The following PDE8A variants were observed in gnomAD, a reference collection of about 807,000 sequenced individuals.
PDE8A encodes the protein high affinity cAMP-specific and IBMX-insensitive 3',5'-cyclic phosphodiesterase 8A.
A neutral mutation model predicts 105.0 loss-of-function variants in PDE8A; 59 were observed. That is an observed-to-expected ratio of 0.56 (90% confidence interval 0.46 to 0.70). The LOEUF is 0.70. Among genes scored for constraint, PDE8A ranks in the 30% least tolerant of loss-of-function variants. The probability of loss-of-function intolerance (pLI) is 0.00; values close to 1 mark genes in which losing one functional copy is unlikely to be tolerated. For synonymous variants in PDE8A, 355 were observed against 371.9 expected (o/e 0.95, Z 0.52); for missense variants, 1,014 against 1,045.9 (o/e 0.97, Z 0.42).
intron 1 of PDE8A, among the ~76,000 whole-genome samples, chr15:85,004,028 A>T (rs1011437): frequency 0.78 from 118,879 of 152,172 alleles, 46,663 homozygotes; most frequent in African/African-American, 0.85. Context: ...TCCATGTCAG[A>T]TTACTTACTT....
At chr15:85,077,725 A>G (rs377670194) in intron 5 of PDE8A, among the ~76,000 whole-genome samples, 1 of 152,234 alleles carries the variant, frequency 6.6e-6, no homozygotes, top group East Asian at 1.9e-4. Flanking sequence ...TATGAATTAT[A>G]AAGCAAGTAT....
intron 1 of PDE8A, among the ~76,000 whole-genome samples, chr15:84,993,442 CAAAAAAA>C (rs11362736): frequency 2.7e-5 from 2 of 73,114 alleles, no homozygotes; most frequent in African/African-American, 5.3e-5. Context: ...GACTCCATCT[CAAAAAAA>C]AAAAAAAAAA....
chr15:85,058,352 G>T (rs550389785), intron 1 of PDE8A, among the ~76,000 whole-genome samples: 2 of 152,164 alleles, frequency 1.3e-5, no homozygotes, highest in African/African-American at 2.4e-5. Context: ...TCTCAAAAGC[G>T]CTGGGATTAC....
intron 11 of PDE8A, among the ~76,000 whole-genome samples, chr15:85,105,171 G>T (rs1596524362): frequency 6.6e-6 from 1 of 152,076 alleles, no homozygotes; most frequent in Admixed American, 6.5e-5. Flanking sequence ...GTTCTCATGG[G>T]CTACCAGGGT....
intron 3 of PDE8A, among the ~76,000 whole-genome samples, chr15:85,068,636 G>A (rs2081267170): frequency 6.7e-6 from 1 of 148,698 alleles, no homozygotes. Flanking sequence ...GTGCTTGGTA[G>A]TCATGGTGGA....
In PDE8A at chr15:85,067,118, C is replaced by T. The variant is rs35666574; in HGVS notation, c.348C>T (p.Val116=). The change falls in exon 3 of 22, where the codon GTC becomes GTT. Residue 116 remains valine (V), a synonymous_variant. Transcript: ENST00000394553. ...KCTVTKEAQA[V]LACFLDKHHD... is the part of the protein sequence containing the mutation. ...CAGTTACCAAGGAGGCTCAGGCTGTCCTTGCCTGTTTCCTGGACAAACATC... is the reference window on the plus strand; with the variant it reads ...CAGTTACCAAGGAGGCTCAGGCTGTTCTTGCCTGTTTCCTGGACAAACATC... 39,335 of 1,613,632 alleles carry T rather than the reference C, an allele frequency of 0.024. 580 individuals are homozygous for T. Among genetic ancestry groups the T allele is most frequent in the Non-Finnish European group, 0.029 (33,715 of 1,179,560 alleles).
rs777417967 is a variant in PDE8A, at chr15:85,082,613, G to GGGGAC, written c.547-942_547-938dup. The stretch of plus-strand genomic sequence containing the variant: ...CGTGGTAGTAGAAGGAACTCTTTAA[G>GGGGAC]GGGACCCCTGTCCCAGATTGGTCTG... On this transcript the variant is annotated intron_variant, in intron 5 of 21. Transcript: ENST00000394553. Among the ~76,000 whole-genome samples the GGGGAC allele has an allele frequency of 4.6e-5, 7 of 152,126 alleles. No homozygotes were observed. In the East Asian group the frequency reaches 9.7e-4, roughly 21 times the overall value.
chr15:85,022,775 A>T (rs2080450378), intron 1 of PDE8A, among the ~76,000 whole-genome samples: 1 of 150,578 alleles, frequency 6.6e-6, no homozygotes, highest in African/African-American at 2.4e-5. Context: ...CTAGTTTCGA[A>T]CTCCTGACCT....
intron 1 of PDE8A, chr15:85,062,707 G>T (rs2081165342): frequency 1.3e-5 from 2 of 152,172 alleles, no homozygotes; most frequent in Non-Finnish European, 2.9e-5. Flanking sequence ...ATGGGCCTGG[G>T]TACCTGCTAT....
At chr15:85,011,738 C>G (rs1215848034) in intron 1 of PDE8A, among the ~76,000 whole-genome samples, 1 of 152,124 alleles carries the variant, frequency 6.6e-6, no homozygotes, top group Non-Finnish European at 1.5e-5. Flanking sequence ...GCAAAAGAAA[C>G]TACCATCAGA....
chr15:85,045,447 A>G (rs2080872428), intron 1 of PDE8A, among the ~76,000 whole-genome samples: 1 of 152,204 alleles, frequency 6.6e-6, no homozygotes, highest in African/African-American at 2.4e-5. Flanking sequence ...CATTCCTGCA[A>G]CTACTGCTTA....
At chr15:85,019,935 T>C (rs2080394160) in intron 1 of PDE8A, among the ~76,000 whole-genome samples, 1 of 138,644 alleles carries the variant, frequency 7.2e-6, no homozygotes, top group African/African-American at 2.7e-5. Context: ...TGGGGGAGTT[T>C]TTTTTTGGTT....
intron 8 of PDE8A, among the ~76,000 whole-genome samples, chr15:85,096,845 A>G (rs1240180459): frequency 6.6e-6 from 1 of 152,182 alleles, no homozygotes; most frequent in Admixed American, 6.5e-5. Flanking sequence ...ATCAGTAAGC[A>G]TCAGTAATCA....
intron 19 of PDE8A, among the ~76,000 whole-genome samples, chr15:85,124,709 A>G (rs909274446): frequency 1.3e-5 from 2 of 151,996 alleles, no homozygotes; most frequent in African/African-American, 2.4e-5. Context: ...TCTCTTTCCA[A>G]AGACTTTTAA....
intron 1 of PDE8A, among the ~76,000 whole-genome samples, chr15:85,028,310 G>A (rs2080552664): frequency 6.6e-6 from 1 of 152,124 alleles, no homozygotes; most frequent in Non-Finnish European, 1.5e-5. Flanking sequence ...GAACTCCTGG[G>A]CTCAAATGAT....
At chr15:85,022,976 G>GGACT (rs1247650121) in intron 1 of PDE8A, among the ~76,000 whole-genome samples, 1 of 152,178 alleles carries the variant, frequency 6.6e-6, no homozygotes, top group Non-Finnish European at 1.5e-5. Context: ...AAGACAGAGG[G>GGACT]GACTGTTAAG....
chr15:85,011,148 G>C (rs962250498), intron 1 of PDE8A, among the ~76,000 whole-genome samples: 6 of 152,046 alleles, frequency 3.9e-5, no homozygotes, highest in African/African-American at 1.4e-4. Context: ...AACTTTAGCT[G>C]TTCTTTTTCA....
intron 21 of PDE8A, among the ~76,000 whole-genome samples, chr15:85,137,265 G>A (rs1194101811): frequency 6.6e-6 from 1 of 152,210 alleles, no homozygotes; most frequent in Non-Finnish European, 1.5e-5. Context: ...GAGAAGGACT[G>A]AAGCAGTGGA....
chr15:85,099,783 T>A (rs545672752), intron 9 of PDE8A: 12 of 518,728 alleles, frequency 2.3e-5, no homozygotes, highest in African/African-American at 1.2e-4. Context: ...GTCTCATGAT[T>A]AATTGGGAAG....
Sources: allele counts gnomAD v4.1 joint callset (sites outside exome capture counted in the v4.1 genomes callset), GRCh38; gene constraint gnomAD v4.1.1; transcripts MANE v1.5; gene names NCBI Gene and HGNC (gene_info 2026-07-23, HGNC 2026-07-21).